Variants in LSAMP observed in about 807,000 individuals in gnomAD.
LSAMP encodes limbic system-associated membrane protein.
Under a neutral mutation model 38.6 loss-of-function variants are expected in LSAMP, and 7 were observed. That is an observed-to-expected ratio of 0.18 (90% confidence interval 0.10 to 0.34). The LOEUF (loss-of-function observed/expected upper bound fraction) is 0.34. Ranked by LOEUF, LSAMP falls within the 10% of genes least tolerant of loss-of-function variation. The pLI is 1.00. For missense variants in LSAMP, 313 were observed against 420.0 expected, an observed-to-expected ratio of 0.75 and a Z score of 2.23; for synonymous variants, 154 against 166.8, an observed-to-expected ratio of 0.92 and a Z score of 0.59.
At chr3:116,278,629 G>C (rs1269190504) in intron 1 of LSAMP, among the ~76,000 whole-genome samples, 2 of 152,024 alleles carry the variant, frequency 1.3e-5, no homozygotes, top group African/African-American at 4.8e-5. Context: ...CATAACTGTG[G>C]CCTTAGATAA....
chr3:116,024,726 A>C (rs1373009947), intron 2 of LSAMP, among the ~76,000 whole-genome samples: 1 of 151,896 alleles, frequency 6.6e-6, no homozygotes, highest in Admixed American at 6.6e-5. Context: ...ATCAGGTGGC[A>C]ATTCAAAAAT....
At chr3:115,881,612 G>T (rs974472682) in intron 3 of LSAMP, among the ~76,000 whole-genome samples, 3 of 152,088 alleles carry the variant, frequency 2.0e-5, no homozygotes, top group African/African-American at 7.2e-5. Context: ...GGACTTGGCG[G>T]TTGTTTATAT....
chr3:116,410,695 T>C (rs2048961831), intron 1 of LSAMP, among the ~76,000 whole-genome samples: 2 of 152,072 alleles, frequency 1.3e-5, no homozygotes, highest in African/African-American at 4.8e-5. Flanking sequence ...AGAATTCTTT[T>C]CCTAGAGATC....
chr3:116,060,715 G>C (rs1443420083), intron 2 of LSAMP, among the ~76,000 whole-genome samples: 1 of 152,094 alleles, frequency 6.6e-6, no homozygotes, highest in Non-Finnish European at 1.5e-5. Context: ...AGCTGAGATA[G>C]TGCCATCGTA....
intron 1 of LSAMP, among the ~76,000 whole-genome samples, chr3:116,240,927 G>C (rs1316085417): frequency 6.6e-6 from 1 of 152,120 alleles, no homozygotes; most frequent in Non-Finnish European, 1.5e-5. Flanking sequence ...TGTAATCCCA[G>C]CACTTTGGGA....
chr3:116,207,348 C>G (rs1189095041), intron 1 of LSAMP, among the ~76,000 whole-genome samples: 3 of 152,128 alleles, frequency 2.0e-5, no homozygotes, highest in Non-Finnish European at 4.4e-5. Context: ...TGGGTCTTGA[C>G]TCTTTATCCA....
rs2049492647 is a variant in LSAMP at position 116,445,108 on chromosome 3, C to T, written c.-77G>A. On this transcript the variant is annotated 5_prime_UTR_variant, in exon 1 of 7. Transcript: ENST00000490035. ...TGCTCGCGAGGAGAGGCTTCACCAA[C>T]ACGGGGCTTTCATCCACAGCGAGCG... 3 of 1,449,856 alleles carry T rather than the reference C, an allele frequency of 2.1e-6. No individual in the cohort carries two copies. Among genetic ancestry groups the T allele is most frequent in the Non-Finnish European group, 2.8e-6 (3 of 1,067,588 alleles). The allele number at this position is 1,449,856 out of a possible 1,614,324, so 89.8% of individuals were successfully genotyped here.
chr3:115,933,823 G>A (rs10511353), intron 3 of LSAMP, among the ~76,000 whole-genome samples: 5,569 of 152,240 alleles, frequency 0.037, 318 homozygotes, highest in African/African-American at 0.12. Flanking sequence ...TGCCCTCCGC[G>A]AGAATGTGCC....
chr3:115,824,566 G>A (rs541219697), intron 6 of LSAMP, among the ~76,000 whole-genome samples: 62 of 152,190 alleles, frequency 4.1e-4, no homozygotes, highest in African/African-American at 1.5e-3. Flanking sequence ...GCCGGGTGTG[G>A]TGGCATGCAC....
intron 1 of LSAMP, among the ~76,000 whole-genome samples, chr3:116,317,348 C>T (rs1042630878): frequency 2.0e-5 from 3 of 149,966 alleles, no homozygotes; most frequent in African/African-American, 7.4e-5. Context: ...AGCCCAATCT[C>T]TTTCTTTCTT....
At chr3:116,047,074 C>T (rs1405047041) in intron 2 of LSAMP, among the ~76,000 whole-genome samples, 1 of 152,112 alleles carries the variant, frequency 6.6e-6, no homozygotes. Flanking sequence ...GAATGCAGTT[C>T]CTATCCTTTG....
intron 1 of LSAMP, among the ~76,000 whole-genome samples, chr3:116,228,043 G>T (rs2046361863): frequency 6.6e-6 from 1 of 152,114 alleles, no homozygotes; most frequent in African/African-American, 2.4e-5. Context: ...CGAAACAGAA[G>T]ATGTGAAATT....
At chr3:116,001,204 GA>G (rs1321153849) in intron 3 of LSAMP, among the ~76,000 whole-genome samples, 1 of 151,970 alleles carries the variant, frequency 6.6e-6, no homozygotes, top group Non-Finnish European at 1.5e-5. Context: ...AAAAGGAAAA[GA>G]AAAAAACAGA....
intron 3 of LSAMP, among the ~76,000 whole-genome samples, chr3:115,910,193 C>T (rs1223388846): frequency 6.6e-6 from 1 of 152,042 alleles, no homozygotes; most frequent in African/African-American, 2.4e-5. Flanking sequence ...AAGTAGAATC[C>T]AGGTCTTTTG....
chr3:116,213,593 A>G (rs1282119668), intron 1 of LSAMP, among the ~76,000 whole-genome samples: 1 of 152,230 alleles, frequency 6.6e-6, no homozygotes, highest in African/African-American at 2.4e-5. Context: ...TTTCAAGTTT[A>G]TTATGAAACT....
chr3:116,368,505 A>C (rs1167136144), intron 1 of LSAMP, among the ~76,000 whole-genome samples: 5 of 152,228 alleles, frequency 3.3e-5, no homozygotes, highest in African/African-American at 1.2e-4. Context: ...TCAATTGAAA[A>C]GAAAATAATG....
intron 1 of LSAMP, among the ~76,000 whole-genome samples, chr3:116,193,249 A>C (rs966413372): frequency 1.2e-4 from 18 of 152,276 alleles, no homozygotes; most frequent in African/African-American, 4.1e-4. Flanking sequence ...TTTATCATAC[A>C]AAAAGGTAAA....
intron 3 of LSAMP, among the ~76,000 whole-genome samples, chr3:116,008,337 ATTCT>A (rs1343792934): frequency 1.3e-5 from 2 of 152,210 alleles, no homozygotes; most frequent in Non-Finnish European, 2.9e-5. Flanking sequence ...CAAAGTCTGT[ATTCT>A]TTCTATCAAA....
chr3:115,876,238 A>C (rs1245239481), intron 3 of LSAMP, among the ~76,000 whole-genome samples: 2 of 150,828 alleles, frequency 1.3e-5, no homozygotes, highest in African/African-American at 4.8e-5. Context: ...ACTTTTGCTA[A>C]AAGAAACTGT....
Sources: allele counts gnomAD v4.1 joint callset (sites outside exome capture counted in the v4.1 genomes callset), GRCh38; gene constraint gnomAD v4.1.1; transcripts MANE v1.5; gene names NCBI Gene and HGNC (gene_info 2026-07-23, HGNC 2026-07-21).